TRAPPC2L: variants seen among roughly 807,000 people sequenced by gnomAD.
TRAPPC2L encodes trafficking protein particle complex subunit 2-like protein.
A neutral mutation model predicts 13.2 loss-of-function variants in TRAPPC2L; 17 were observed. That is an observed-to-expected ratio of 1.29 (90% CI 0.88 to 1.93). The LOEUF (loss-of-function observed/expected upper bound fraction) is 1.93. TRAPPC2L is among the 30% of genes most tolerant of loss of function. The pLI is 0.00. For missense variants in TRAPPC2L, 359 were observed against 252.1 expected, an observed-to-expected ratio of 1.42 and a Z score of -2.87; for synonymous variants, 150 against 98.1, an observed-to-expected ratio of 1.53 and a Z score of -3.12.
upstream of TRAPPC2L, chr16:88,856,741 C>T (rs1455519350): frequency 2.4e-5 from 36 of 1,493,182 alleles, 1 homozygote; most frequent in East Asian, 8.6e-4. Context: ...CTGCCCCGTC[C>T]CACCGCCCGC....
At chr16:88,856,399 C>T (rs1375756934), upstream of TRAPPC2L, 9 of 701,450 alleles carry the variant, frequency 1.3e-5, no homozygotes, top group East Asian at 1.1e-4. Context: ...GAGTAGAGGG[C>T]GGGAAAGGTC....
At chr16:88,859,724 G>A in exon 3 of TRAPPC2L, 2 of 1,614,026 alleles carry the variant, frequency 1.2e-6, no homozygotes, top group Non-Finnish European at 1.7e-6. Flanking sequence ...CTCCAACACA[G>A]CCCTTCGAGA....
At position 88,859,585 on chromosome 16, in the gene TRAPPC2L, C is replaced by T. The variant is rs747479332; in HGVS notation, c.207-78C>T. 1.1e-4 allele frequency: 149 copies of T among 1,377,398 alleles called. No individual in the cohort carries two copies. The highest frequency in any genetic ancestry group is 1.4e-4 in the Non-Finnish European group (136 of 965,112). 85.3% of individuals were successfully genotyped at this position (1,377,398 alleles called of 1,614,324 possible). A position where few individuals can be genotyped will look rare whatever the true frequency, so the allele number is the denominator to read the frequency against. ...CCTGTGATTCAAGGTTGCCACATTT[C>T]TCCAAAGTGAGGGCCCACAGAGGGC... On this transcript the variant is annotated intron_variant, in intron 2 of 3. Transcript: ENST00000565504.
intron 2 of TRAPPC2L, chr16:88,859,392 C>T (rs1968212963): frequency 1.4e-6 from 1 of 697,194 alleles, no homozygotes; most frequent in Non-Finnish European, 2.6e-6. Flanking sequence ...TGAGGTGTTC[C>T]AGACAGACAG....
intron 3 of TRAPPC2L, 38 bp from the exon 4 acceptor site, chr16:88,859,855 G>A (rs762545161): frequency 2.5e-6 from 4 of 1,573,384 alleles, no homozygotes; most frequent in South Asian, 1.2e-5. Context: ...GTGGCTGTGT[G>A]TATGTGGCAA....
intron 1 of TRAPPC2L, among the ~76,000 whole-genome samples, chr16:88,857,679 T>C (rs964864643): frequency 6.6e-6 from 1 of 152,214 alleles, no homozygotes; most frequent in African/African-American, 2.4e-5. Flanking sequence ...TTTCCCCCCA[T>C]AACCCTTGGC....
At chr16:88,859,083 TTC>T (rs1440403294) in intron 2 of TRAPPC2L, 50 of 475,538 alleles carry the variant, frequency 1.1e-4, no homozygotes, top group Admixed American at 3.4e-5. Context: ...AAGGATTTCT[TTC>T]TGTGCTTTTC....
At chr16:88,861,568 A>G in exon 4 of TRAPPC2L, 1 of 466,062 alleles carries the variant, frequency 2.1e-6, no homozygotes. Context: ...TAAACCTTGG[A>G]GCGCAGACTT....
At chr16:88,856,552 G>T (rs1337481994), upstream of TRAPPC2L, 2 of 669,090 alleles carry the variant, frequency 3.0e-6, no homozygotes, top group African/African-American at 2.0e-5. Context: ...GCCACTCCCC[G>T]AGGGGCCTCC....
At chr16:88,860,596 G>T (rs1478349644) in exon 4 of TRAPPC2L, 1 of 587,266 alleles carries the variant, frequency 1.7e-6, no homozygotes, top group East Asian at 2.8e-5. Flanking sequence ...GAGCAGGCAG[G>T]CGAATGTCCA....
intron 1 of TRAPPC2L, 30 bp from the exon 2 acceptor site, chr16:88,858,589 C>G: frequency 1.9e-6 from 3 of 1,606,308 alleles, no homozygotes; most frequent in Non-Finnish European, 2.6e-6. Context: ...GGAGTCTTGT[C>G]CTTTCAGTCG....
At chr16:88,856,581 A>AG, upstream of TRAPPC2L, 1 of 490,624 alleles carries the variant, frequency 2.0e-6, no homozygotes. Flanking sequence ...GCACGGGGAT[A>AG]CCCCCCGTCC....
At chr16:88,857,437 C>G in intron 1 of TRAPPC2L, 1 of 459,296 alleles carries the variant, frequency 2.2e-6, no homozygotes, top group Non-Finnish European at 3.9e-6. Context: ...CCGCCAGGAC[C>G]CACCAGAAAC....
chr16:88,860,892 G>A (rs1439348228), exon 4 of TRAPPC2L: 2 of 1,583,458 alleles, frequency 1.3e-6, no homozygotes, highest in African/African-American at 1.3e-5. Flanking sequence ...TCTCCTCTGA[G>A]TGGGTCTGTT....
At chr16:88,857,231 C>G in intron 1 of TRAPPC2L, 48 bp downstream of exon 1, 1 of 1,448,514 alleles carries the variant, frequency 6.9e-7, no homozygotes, top group Non-Finnish European at 9.2e-7. Context: ...ATCCTCGGCT[C>G]TCCGCTTTCT....
chr16:88,862,560 C>T (rs1326969560), exon 4 of TRAPPC2L: 1 of 152,288 alleles, frequency 6.6e-6, no homozygotes, highest in Non-Finnish European at 1.5e-5. Flanking sequence ...GACCCTGGGC[C>T]TTTGCTGACG....
upstream of TRAPPC2L, chr16:88,856,840 A>G: frequency 6.6e-7 from 1 of 1,518,316 alleles, no homozygotes. Context: ...CACCAGCAAC[A>G]GCTGCCACCA....
chr16:88,858,746 GGGAGCTGTACCT>G, exon 2 of TRAPPC2L: 1 of 1,613,496 alleles, frequency 6.2e-7, no homozygotes, highest in Non-Finnish European at 8.5e-7. Flanking sequence ...GTCGACCAGA[GGGAGCTGTACCT>G]GGGCCTGCTC....
chr16:88,859,960 G>C, exon 4 of TRAPPC2L: 3 of 1,612,444 alleles, frequency 1.9e-6, no homozygotes, highest in Non-Finnish European at 2.5e-6. Flanking sequence ...CCGGGGGACC[G>C]CATCCAGTCC....
Sources: allele counts gnomAD v4.1 joint callset (sites outside exome capture counted in the v4.1 genomes callset), GRCh38; gene constraint gnomAD v4.1.1; transcripts MANE v1.5; gene names NCBI Gene and HGNC (gene_info 2026-07-23, HGNC 2026-07-21).